Variants in DLG5 observed in about 807,000 individuals in gnomAD.
DLG5 encodes the protein disks large homolog 5.
Under a neutral mutation model 189.8 loss-of-function variants are expected in DLG5, and 48 were observed. That is an observed-to-expected ratio of 0.25 (90% CI 0.20 to 0.32). The LOEUF (loss-of-function observed/expected upper bound fraction) is 0.32. Ranked by LOEUF, DLG5 falls within the 10% of genes least tolerant of loss-of-function variation. The pLI is 1.00. For missense variants in DLG5, 2,160 were observed against 2,544.7 expected, an observed-to-expected ratio of 0.85 and a Z score of 3.25; for synonymous variants, 1,016 against 1,054.1, an observed-to-expected ratio of 0.96 and a Z score of 0.70.
At position 77,853,361 on chromosome 10, in the gene DLG5, T is replaced by C. The variant is rs1395686978; in HGVS notation, c.857A>G (p.Gln286Arg). The change falls in exon 5 of 32, where the codon CAG (glutamine) becomes CGG (arginine). Residue 286 changes from glutamine (Q) to arginine (R), a missense_variant. Gln to Arg is a conservative substitution (Grantham distance 43). Around this residue, in one of 5 missense-constraint regions of DLG5, gnomAD observed 664 missense variants for 838.5 expected, o/e 0.79. Coordinates refer to ENST00000372391, the MANE Select transcript of DLG5 (RefSeq NM_004747.4). ...QKEIGDLRAQQQQVLKHNGSS... is the reference protein window; with the variant it reads ...QKEIGDLRAQRQQVLKHNGSS... ...TCCAGGGGCTGGGCCTACCTGCTGC[T>C]GCTGGGCACGGAGGTCACCGATCTC... 6.5e-7 allele frequency: 1 copy of C among 1,549,876 alleles called. No homozygotes were observed. Among genetic ancestry groups the C allele is most frequent in the Non-Finnish European group, 8.8e-7 (1 of 1,140,106 alleles).
In DLG5 at chr10:77,803,658, C is replaced by T. The variant is rs142762525; in HGVS notation, c.5164+2007G>A. ...CAATGCAAAAGGTGTATGTATCTAACGACAACTTCAAGATATATATTGAAA... is the reference window on the plus strand; with the variant it reads ...CAATGCAAAAGGTGTATGTATCTAATGACAACTTCAAGATATATATTGAAA... On this transcript the variant is annotated intron_variant, in intron 27 of 31. Coordinates refer to ENST00000372391, the MANE Select transcript of DLG5 (RefSeq NM_004747.4). Among the ~76,000 whole-genome samples the T allele has an allele frequency of 3.0e-3, 451 of 152,088 alleles. 2 individuals carry two copies. The highest frequency in any genetic ancestry group is 0.01 in the African/African-American group (417 of 41,468).
intron 1 of DLG5, among the ~76,000 whole-genome samples, chr10:77,891,189 G>C (rs1463425778): frequency 6.6e-6 from 1 of 152,168 alleles, no homozygotes; most frequent in African/African-American, 2.4e-5. Flanking sequence ...TACTAGGCCT[G>C]GCTTCACCTA....
At chr10:77,808,729 C>T (rs984439245) in intron 24 of DLG5, among the ~76,000 whole-genome samples, 1 of 152,228 alleles carries the variant, frequency 6.6e-6, no homozygotes, top group Non-Finnish European at 1.5e-5. Flanking sequence ...CTCAGGTTCC[C>T]TCAATGGCCT....
the DLG5 span, among the ~76,000 whole-genome samples, chr10:77,934,935 G>A: frequency 3.4e-5 from 5 of 148,208 alleles, no homozygotes; most frequent in South Asian, 8.4e-4. Context: ...TTGGCTCACT[G>A]CAAGCTCCGC....
chr10:77,928,869 A>G (rs1846760374), upstream of DLG5: 1 of 152,118 alleles, frequency 6.6e-6, no homozygotes, highest in Non-Finnish European at 1.5e-5. Flanking sequence ...TCTAACAAAA[A>G]TACAAAAATT....
At position 77,926,672 on chromosome 10, in the gene DLG5, C is replaced by A. The variant is rs943551875; in HGVS notation, c.-152G>T. 1 of 397,550 alleles carries A rather than the reference C, an allele frequency of 2.5e-6. No individual in the cohort carries two copies. Among genetic ancestry groups the A allele is most frequent in the Non-Finnish European group, 3.4e-6 (1 of 293,128 alleles). 24.6% of individuals were successfully genotyped at this position (397,550 alleles called of 1,614,324 possible). A position where few individuals can be genotyped will look rare whatever the true frequency, so the allele number is the denominator to read the frequency against. ...GGCCGGGGCCTGGGCGGGCTGGGGG[C>A]CCGGGGCGGCGGGCGGCGCTCAGCA... On this transcript the variant is annotated 5_prime_UTR_variant, in exon 1 of 32. Coordinates refer to ENST00000372391, the MANE Select transcript of DLG5 (RefSeq NM_004747.4). The surrounding 1 kb of genome is among the most constrained non-coding windows in gnomAD (Gnocchi z 5.2).
intron 1 of DLG5, among the ~76,000 whole-genome samples, chr10:77,903,202 C>T (rs1486060376): frequency 5.3e-5 from 8 of 151,974 alleles, no homozygotes; most frequent in Admixed American, 3.3e-4. Flanking sequence ...CCGAGGCAGG[C>T]GGATTGCTTG....
At chr10:77,801,927 T>C (rs1182266375) in intron 27 of DLG5, among the ~76,000 whole-genome samples, 1 of 152,120 alleles carries the variant, frequency 6.6e-6, no homozygotes, top group Admixed American at 6.5e-5. Flanking sequence ...GGGTGGGTCC[T>C]AAATAAAACC....
At chr10:77,913,996 C>G (rs1846293791) in intron 1 of DLG5, among the ~76,000 whole-genome samples, 1 of 152,194 alleles carries the variant, frequency 6.6e-6, no homozygotes, top group African/African-American at 2.4e-5. Flanking sequence ...GGCAATCAGA[C>G]CATGTTCAGC....
At chr10:77,857,665 C>A (rs1362303035) in intron 2 of DLG5, among the ~76,000 whole-genome samples, 1 of 152,254 alleles carries the variant, frequency 6.6e-6, no homozygotes, top group Non-Finnish European at 1.5e-5. Flanking sequence ...CTGCCACCAC[C>A]ACCTCTGATA....
At position 77,794,246 on chromosome 10, in the gene DLG5, C is replaced by T. The variant is rs1603641037; in HGVS notation, c.5547-129G>A. The T allele has an allele frequency of 4.6e-5, 34 of 739,986 alleles. No individual in the cohort carries two copies. In the East Asian group the frequency reaches 8.7e-4, roughly 19 times the overall value. The allele number at this position is 739,986 out of a possible 1,614,324, so 45.8% of individuals were successfully genotyped here. On this transcript the variant is annotated intron_variant, in intron 30 of 31. Transcript: ENST00000372391. ...TGTGGAGGGAGGCCCCATGTGCTCC[C>T]CACATAAAGCACAGCAACAGCCTGT...
intron 1 of DLG5, among the ~76,000 whole-genome samples, chr10:77,875,513 A>G (rs371766790): frequency 1.2e-5 from 1 of 80,924 alleles, no homozygotes; most frequent in African/African-American, 3.4e-5. Context: ...GAAGAAAGAG[A>G]AGGAGCTGTG....
chr10:77,821,595 A>G lies in DLG5; in HGVS notation c.2889T>C (p.Val963=). ...SSTAVPEKLS[V]YKKPKQRKSI... ...ACTTTCTTTGCTTTGGCTTTTTATA[A>G]ACAGAGAGCTTCTCAGGCACTGCCG... is the stretch of plus-strand genomic sequence containing the variant. The change falls in exon 15 of 32, where the codon GTT becomes GTC. Residue 963 remains valine, a synonymous_variant. Transcript: ENST00000372391. 1 of 1,613,000 alleles carries G rather than the reference A, an allele frequency of 6.2e-7. No homozygotes were observed. The highest frequency in any genetic ancestry group is 1.1e-5 in the South Asian group (1 of 91,084).
chr10:77,868,322 C>T (rs1307579843), intron 2 of DLG5: 22 of 359,024 alleles, frequency 6.1e-5, no homozygotes, highest in Middle Eastern at 1.0e-3. Context: ...AGTGTGGGGC[C>T]CACATCTGCC....
In DLG5 at chr10:77,796,348, C is replaced by T. The variant is rs1470690854; in HGVS notation, c.5308+103G>A. On this transcript the variant is annotated intron_variant, in intron 28 of 31. Coordinates refer to ENST00000372391, the MANE Select transcript of DLG5 (RefSeq NM_004747.4). The surrounding 1 kb of genome is among the most constrained non-coding windows in gnomAD (Gnocchi z 5.2). ...GGCTTCTGGAACACTGTGAAATCTG[C>T]CCCCCGGTACTGCCACCCACTGTGC... The T allele has an allele frequency of 6.9e-6, 11 of 1,584,848 alleles. No individual in the cohort carries two copies. The highest frequency in any genetic ancestry group is 2.7e-5 in the African/African-American group (2 of 74,192).
At chr10:77,918,673 A>G (rs996164389) in intron 1 of DLG5, among the ~76,000 whole-genome samples, 1 of 152,140 alleles carries the variant, frequency 6.6e-6, no homozygotes, top group African/African-American at 2.4e-5. Flanking sequence ...CGTTCAGAGG[A>G]ATGCAGTCTA....
At chr10:77,940,609 C>G in the DLG5 span, among the ~76,000 whole-genome samples, 1 of 152,090 alleles carries the variant, frequency 6.6e-6, no homozygotes, top group Non-Finnish European at 1.5e-5. Context: ...CATCTACATG[C>G]CCAGTTCCTT....
In DLG5 at chr10:77,830,747, C is replaced by T. The variant is rs987775163; in HGVS notation, c.1875G>A (p.Arg625=). The change falls in exon 10 of 32, where the codon AGG becomes AGA. Residue 625 remains arginine, a synonymous_variant. Coordinates refer to ENST00000372391, the MANE Select transcript of DLG5 (RefSeq NM_004747.4). ...ACCATCAGAGGCAGCTTACCGTCTC[C>T]CTCTCGAACTCTACAACTTCCGTTT... ...EWETEVVEFE[R]ETEDIDLKAL... 1.4e-5 allele frequency: 22 copies of T among 1,614,106 alleles called. No individual in the cohort carries two copies. Among genetic ancestry groups the T allele is most frequent in the Non-Finnish European group, 1.9e-5 (22 of 1,179,960 alleles).
intron 15 of DLG5, chr10:77,820,294 C>T (rs1185417773): frequency 8.5e-6 from 3 of 351,234 alleles, no homozygotes; most frequent in Non-Finnish European, 1.6e-5. Context: ...TGCAGTGAGC[C>T]AAGACTGCAC....
Sources: allele counts gnomAD v4.1 joint callset (sites outside exome capture counted in the v4.1 genomes callset), GRCh38; gene constraint gnomAD v4.1.1; regional missense constraint gnomAD v4.1.1; non-coding constraint Gnocchi (gnomAD v3.1); transcripts MANE v1.5; gene names NCBI Gene and HGNC (gene_info 2026-07-23, HGNC 2026-07-21).